The following MGAT4C variants were observed in gnomAD, a reference collection of about 807,000 sequenced individuals.
MGAT4C encodes the protein MGAT4 family member C.
A neutral mutation model predicts 40.1 loss-of-function variants in MGAT4C; 19 were observed. The observed-to-expected ratio is 0.47, with a 90% CI of 0.33 to 0.70. The LOEUF (loss-of-function observed/expected upper bound fraction) is 0.70. Among genes scored for constraint, MGAT4C ranks in the 30% least tolerant of loss-of-function variants. The pLI is 0.02. For synonymous variants in MGAT4C, 181 were observed against 187.1 expected (o/e 0.97, Z 0.27); for missense variants, 491 against 563.2 (o/e 0.87, Z 1.30).
At chr12:86,761,902 C>A (rs1951413059) in intron 1 of MGAT4C, among the ~76,000 whole-genome samples, 1 of 152,020 alleles carries the variant, frequency 6.6e-6, no homozygotes, top group Non-Finnish European at 1.5e-5. Context: ...TCTGCAAAGT[C>A]TCTGTGGCAT....
At chr12:86,733,100 CT>C (rs1382532578) in intron 1 of MGAT4C, among the ~76,000 whole-genome samples, 1 of 152,010 alleles carries the variant, frequency 6.6e-6, no homozygotes. Context: ...AGGATAATTA[CT>C]CTATCCAGTA....
intron 2 of MGAT4C, among the ~76,000 whole-genome samples, chr12:86,481,380 T>C (rs1193947033): frequency 6.6e-6 from 1 of 152,082 alleles, no homozygotes; most frequent in Non-Finnish European, 1.5e-5. Flanking sequence ...ATGCTTTTGT[T>C]AGCAGTGTGC....
At chr12:86,619,040 A>G (rs990453373) in intron 2 of MGAT4C, among the ~76,000 whole-genome samples, 2 of 152,084 alleles carry the variant, frequency 1.3e-5, no homozygotes, top group South Asian at 4.1e-4. Flanking sequence ...AACTATTTAC[A>G]TAGAGTTGTA....
chr12:86,347,751 G>A (rs1480532892), intron 3 of MGAT4C, among the ~76,000 whole-genome samples: 2 of 151,986 alleles, frequency 1.3e-5, no homozygotes, highest in African/African-American at 2.4e-5. Flanking sequence ...AGGAAAAATC[G>A]GACCATAAGC....
At chr12:86,501,681 T>C (rs970748666) in intron 2 of MGAT4C, among the ~76,000 whole-genome samples, 9 of 152,094 alleles carry the variant, frequency 5.9e-5, no homozygotes, top group African/African-American at 1.9e-4. Flanking sequence ...ATCTTGTTCC[T>C]TTTTATGGCT....
rs144430932 is a variant in MGAT4C at position 86,685,482 on chromosome 12, T to C, written c.-229+41727A>G. 8.7e-3 allele frequency among the ~76,000 whole-genome samples: 1,319 copies of C among 152,286 alleles called. 7 individuals carry two copies. The highest frequency in any genetic ancestry group is 0.017 in the Middle Eastern group (5 of 294). ...AGTCAGACAGTGCCTCCAAATTTGT[T>C]CTTTTTGCTTAGGATTGCCTTGGCT... is the stretch of plus-strand genomic sequence containing the variant. On this transcript the variant is annotated intron_variant, in intron 2 of 7. Transcript: ENST00000548651.
intron 1 of MGAT4C, among the ~76,000 whole-genome samples, chr12:86,837,496 C>A (rs972801498): frequency 1.3e-5 from 2 of 152,058 alleles, no homozygotes; most frequent in African/African-American, 2.4e-5. Flanking sequence ...TCTCTTGAGC[C>A]TGTATTAACC....
chr12:85,979,380 A>G lies in MGAT4C; in HGVS notation c.1346T>C (p.Ile449Thr). Reference sequence around the variant, plus strand: ...CCTCATACAATGTATATCAAATGGAATTTTTTGATTTACACCTGACATTTC... The same window carrying G: ...CCTCATACAATGTATATCAAATGGAGTTTTTTGATTTACACCTGACATTTC... ...NFEMSGVNQK[I>T]PFDIHCMRIY... The change falls in exon 5 of 5, where the codon ATT becomes ACT. Residue 449 changes from isoleucine to threonine, a missense_variant. Transcript: ENST00000611864. 1 of 1,612,394 alleles carries G rather than the reference A, an allele frequency of 6.2e-7. No individual in the cohort carries two copies. Among genetic ancestry groups the G allele is most frequent in the Non-Finnish European group, 8.5e-7 (1 of 1,178,880 alleles).
chr12:86,412,097 C>G (rs1261571535), intron 3 of MGAT4C, among the ~76,000 whole-genome samples: 1 of 152,176 alleles, frequency 6.6e-6, no homozygotes, highest in African/African-American at 2.4e-5. Flanking sequence ...ATGGAAACAC[C>G]TGGATGTCTA....
At chr12:86,501,224 A>G (rs1449955139) in intron 2 of MGAT4C, among the ~76,000 whole-genome samples, 1 of 152,148 alleles carries the variant, frequency 6.6e-6, no homozygotes, top group Non-Finnish European at 1.5e-5. Flanking sequence ...TATTAAAAAG[A>G]GAAGAAGAGA....
rs113324094 is a variant in MGAT4C, at chr12:86,456,309, G to A, written c.-228-21044C>T. 6.7e-3 allele frequency among the ~76,000 whole-genome samples: 1,013 copies of A among 152,142 alleles called. 11 individuals carry two copies. Among genetic ancestry groups the A allele is most frequent in the African/African-American group, 0.023 (966 of 41,530 alleles). ...GATAAAAAAAATTTGGGCAGCGGAA[G>A]AGCCACATAATCAACGTTAGTTATC... is the stretch of plus-strand genomic sequence containing the variant. On this transcript the variant is annotated intron_variant, in intron 2 of 7. Coordinates refer to the MGAT4C transcript ENST00000548651.
At chr12:86,066,378 C>A (rs573798941) in intron 1 of MGAT4C, among the ~76,000 whole-genome samples, 1 of 151,842 alleles carries the variant, frequency 6.6e-6, no homozygotes, top group South Asian at 2.1e-4. Flanking sequence ...ACCAAAGGAA[C>A]AGAACAGAGG....
In MGAT4C at chr12:85,966,090, A is replaced by C. The variant is rs1883350094; in HGVS notation, c.*13199T>G. ...TATTATGGTTATTTACTGTAATTGC[A>C]TCCAAAATAATTCATAAAACATTTA... On this transcript the variant is annotated 3_prime_UTR_variant, in exon 5 of 5. Transcript: ENST00000611864. The C allele has an allele frequency of 6.6e-6, 1 of 152,216 alleles. No homozygotes were observed. The highest frequency in any genetic ancestry group is 2.4e-5 in the African/African-American group (1 of 41,470). The allele number at this position is 152,216 out of a possible 1,614,324, so 9.4% of individuals were successfully genotyped here.
intron 2 of MGAT4C, among the ~76,000 whole-genome samples, chr12:86,035,934 A>G (rs770699049): frequency 4.7e-5 from 7 of 149,838 alleles, no homozygotes; most frequent in Admixed American, 6.7e-5. Flanking sequence ...CCATTGGTCT[A>G]TATATCTTTT....
At chr12:86,202,917 C>T (rs1314202079) in intron 1 of MGAT4C, among the ~76,000 whole-genome samples, 2 of 151,828 alleles carry the variant, frequency 1.3e-5, no homozygotes, top group African/African-American at 4.8e-5. Context: ...TATATTTTAA[C>T]AACTGTATTA....
intron 1 of MGAT4C, among the ~76,000 whole-genome samples, chr12:86,248,861 G>A (rs1388445376): frequency 6.6e-6 from 1 of 152,086 alleles, no homozygotes; most frequent in Non-Finnish European, 1.5e-5. Flanking sequence ...CAGCCTAAGA[G>A]ACAGCTGTGA....
At chr12:86,461,508 G>T (rs1957601440) in intron 2 of MGAT4C, among the ~76,000 whole-genome samples, 1 of 152,038 alleles carries the variant, frequency 6.6e-6, no homozygotes, top group South Asian at 2.1e-4. Context: ...GCCTCCCAAA[G>T]TGCTGGGATT....
intron 2 of MGAT4C, among the ~76,000 whole-genome samples, chr12:86,541,841 C>T (rs1436017404): frequency 6.6e-6 from 1 of 152,162 alleles, no homozygotes; most frequent in Non-Finnish European, 1.5e-5. Context: ...TTTGTATAAG[C>T]AAATCAATAC....
intron 3 of MGAT4C, among the ~76,000 whole-genome samples, chr12:86,426,722 C>T (rs894880749): frequency 5.3e-5 from 8 of 152,186 alleles, no homozygotes; most frequent in African/African-American, 9.6e-5. Flanking sequence ...CCGAGGAGGG[C>T]GGATCACGAG....
Sources: allele counts gnomAD v4.1 joint callset (sites outside exome capture counted in the v4.1 genomes callset), GRCh38; gene constraint gnomAD v4.1.1; transcripts MANE v1.5; gene names NCBI Gene and HGNC (gene_info 2026-07-23, HGNC 2026-07-21).